The following PCDH15 variants were observed in gnomAD, a reference collection of about 807,000 sequenced individuals.
The protein encoded by PCDH15 is protocadherin related 15.
PCDH15 carries 129 observed loss-of-function variants against 178.5 expected under a neutral mutation model. The observed-to-expected ratio is 0.72, with a 90% CI of 0.63 to 0.84. The LOEUF (loss-of-function observed/expected upper bound fraction) is 0.84. Ranked by LOEUF, PCDH15 falls within the 40% of genes least tolerant of loss-of-function variation. The probability of loss-of-function intolerance (pLI) is 0.00; values close to 1 mark genes in which losing one functional copy is unlikely to be tolerated. For missense variants in PCDH15, 2,230 were observed against 2,099.9 expected (o/e 1.06, Z -1.21); for synonymous variants, 800 against 732.0 (o/e 1.09, Z -1.50).
At chr10:54,818,258 G>A (rs985680918) in intron 3 of PCDH15, among the ~76,000 whole-genome samples, 1 of 151,952 alleles carries the variant, frequency 6.6e-6, no homozygotes, top group Non-Finnish European at 1.5e-5. Context: ...CTTAAGAAGA[G>A]AATAAAATGA....
chr10:55,605,150 A>T (rs1008521713), intron 2 of PCDH15, among the ~76,000 whole-genome samples: 19 of 151,608 alleles, frequency 1.3e-4, no homozygotes, highest in African/African-American at 4.6e-4. Flanking sequence ...ATCTACAAGA[A>T]ATGGATAAAT....
chr10:55,525,693 TGACA>T (rs982689146), intron 2 of PCDH15, among the ~76,000 whole-genome samples: 1 of 151,934 alleles, frequency 6.6e-6, no homozygotes, highest in Admixed American at 6.6e-5. Flanking sequence ...CTTTGCAATT[TGACA>T]GACAATGTAA....
At position 55,197,476 on chromosome 10, in the gene PCDH15, C is replaced by T. The variant is rs770377067; in HGVS notation, c.-155-30825G>A. The stretch of plus-strand genomic sequence containing the variant: ...GTTTCAGATTGAATAAGATGGTTGT[C>T]GATAGACTTGGACTTCAACACTGTA... On this transcript the variant is annotated intron_variant, in intron 1 of 5. Coordinates refer to the PCDH15 transcript ENST00000458638. Among the ~76,000 whole-genome samples the T allele has an allele frequency of 7.8e-4, 118 of 152,120 alleles. 1 individual carries two copies. The highest frequency in any genetic ancestry group is 1.3e-3 in the Non-Finnish European group (91 of 67,980).
At chr10:54,189,504 A>G in intron 11 of PCDH15, 1 of 506,452 alleles carries the variant, frequency 2.0e-6, no homozygotes, top group Non-Finnish European at 3.4e-6. Flanking sequence ...AGAGTATACA[A>G]TTTTTTTATT....
At chr10:54,092,174 T>C (rs913868755) in intron 15 of PCDH15, among the ~76,000 whole-genome samples, 2 of 152,162 alleles carry the variant, frequency 1.3e-5, no homozygotes, top group Non-Finnish European at 1.5e-5. Context: ...TAGCTACACT[T>C]TGAGGGCTCA....
chr10:53,979,802 G>C (rs993727276), intron 21 of PCDH15, among the ~76,000 whole-genome samples: 10 of 152,168 alleles, frequency 6.6e-5, no homozygotes, highest in Non-Finnish European at 2.9e-5. Context: ...TAGTAAACTA[G>C]ACTTTAAAAC....
intron 8 of PCDH15, among the ~76,000 whole-genome samples, chr10:54,242,318 G>A (rs188590128): frequency 5.8e-4 from 87 of 150,442 alleles, no homozygotes; most frequent in Admixed American, 2.1e-3. Context: ...GTGTTCATAT[G>A]GTTATCTTGA....
At chr10:55,057,652 C>T (rs1181437238) in intron 2 of PCDH15, among the ~76,000 whole-genome samples, 1 of 151,986 alleles carries the variant, frequency 6.6e-6, no homozygotes, top group Non-Finnish European at 1.5e-5. Context: ...ACGCTAGAAT[C>T]CCTTTCTTCT....
intron 1 of PCDH15, among the ~76,000 whole-genome samples, chr10:54,749,184 C>T (rs1361918770): frequency 2.0e-5 from 3 of 151,948 alleles, no homozygotes; most frequent in Admixed American, 6.6e-5. Context: ...ACCAAATCAG[C>T]GTCAGTAACT....
chr10:54,870,985 GC>G, intron 3 of PCDH15, among the ~76,000 whole-genome samples: 1 of 152,074 alleles, frequency 6.6e-6, no homozygotes, highest in East Asian at 1.9e-4. Context: ...TTTACTTATA[GC>G]CCCCGGGCAA....
At chr10:54,161,459 G>A (rs2045704643) in intron 13 of PCDH15, among the ~76,000 whole-genome samples, 1 of 151,970 alleles carries the variant, frequency 6.6e-6, no homozygotes, top group Non-Finnish European at 1.5e-5. Context: ...AAATTTTGGG[G>A]GTGAAAGAAA....
At chr10:54,052,265 T>C (rs954324176) in intron 18 of PCDH15, among the ~76,000 whole-genome samples, 1 of 152,166 alleles carries the variant, frequency 6.6e-6, no homozygotes, top group African/African-American at 2.4e-5. Context: ...CCTTGTACCA[T>C]GTGCCTAGAA....
chr10:55,550,195 C>A (rs1422645797), intron 2 of PCDH15, among the ~76,000 whole-genome samples: 3 of 152,096 alleles, frequency 2.0e-5, no homozygotes, highest in Non-Finnish European at 4.4e-5. Context: ...GTCTTCTTAT[C>A]TATTGTATTC....
chr10:54,910,012 C>T (rs1351179707), intron 2 of PCDH15, among the ~76,000 whole-genome samples: 2 of 152,098 alleles, frequency 1.3e-5, no homozygotes, highest in Admixed American at 6.5e-5. Flanking sequence ...CAAAATACAG[C>T]GGGGAGCAAA....
chr10:53,810,672 A>G lies in PCDH15; in HGVS notation c.4563-8T>C, dbSNP rs761546865. 1.2e-6 allele frequency: 2 copies of G among 1,603,856 alleles called. No individual in the cohort carries two copies. The highest frequency in any genetic ancestry group is 2.2e-5 in the South Asian group (2 of 90,890). On this transcript the variant is annotated splice_region_variant and splice_polypyrimidine_tract_variant and intron_variant, in intron 36 of 37. Coordinates refer to ENST00000644397, the MANE Select transcript of PCDH15 (RefSeq NM_001384140.1). ...TATTGAGGCATTTCATACCTGTAAT[A>G]TAAACTTACATCTTTAAACAGTTTG...
chr10:53,990,868 C>G (rs960273437), intron 21 of PCDH15, among the ~76,000 whole-genome samples: 14 of 152,216 alleles, frequency 9.2e-5, no homozygotes, highest in Admixed American at 5.9e-4. Context: ...AGCACGAGTT[C>G]CAGGTGGGTG....
At chr10:55,167,270 T>C (rs1839220002) in intron 1 of PCDH15, among the ~76,000 whole-genome samples, 1 of 151,996 alleles carries the variant, frequency 6.6e-6, no homozygotes, top group South Asian at 2.1e-4. Context: ...TGTGCCACCA[T>C]ACTCAGGTCA....
chr10:53,971,808 A>C (rs1220524052), intron 21 of PCDH15, among the ~76,000 whole-genome samples: 1 of 152,216 alleles, frequency 6.6e-6, no homozygotes, highest in Non-Finnish European at 1.5e-5. Context: ...CAAATGGAAG[A>C]ACATTCCATG....
At chr10:55,250,100 C>A (rs1256504817) in intron 1 of PCDH15, among the ~76,000 whole-genome samples, 1 of 151,954 alleles carries the variant, frequency 6.6e-6, no homozygotes, top group African/African-American at 2.4e-5. Flanking sequence ...TCTTATTCTG[C>A]TTAGACCAAA....
Sources: allele counts gnomAD v4.1 joint callset (sites outside exome capture counted in the v4.1 genomes callset), GRCh38; gene constraint gnomAD v4.1.1; transcripts MANE v1.5; gene names NCBI Gene and HGNC (gene_info 2026-07-23, HGNC 2026-07-21).